The following PRRX2 variants were observed in gnomAD, a reference collection of about 807,000 sequenced individuals.
The protein encoded by PRRX2 is paired related homeobox 2.
In PRRX2, 11 loss-of-function variants were observed where a neutral mutation model predicts 18.0. That is an observed-to-expected ratio of 0.61 (90% CI 0.39 to 1.01). The LOEUF is 1.01. Among genes scored for constraint, PRRX2 ranks in the 50% least tolerant of loss-of-function variants. PRRX2 has a pLI of 0.01. For synonymous variants in PRRX2, 177 were observed against 154.8 expected (o/e 1.14, Z -1.06); for missense variants, 387 against 351.0 (o/e 1.10, Z -0.82).
intron 1 of PRRX2, among the ~76,000 whole-genome samples, chr9:129,688,407 G>A (rs1305562052): frequency 6.6e-6 from 1 of 152,118 alleles, no homozygotes; most frequent in Non-Finnish European, 1.5e-5. Context: ...ATGATATAAT[G>A]GGGGTCATTT....
At position 129,671,214 on chromosome 9, in the gene PRRX2, C is replaced by T. The variant is rs1832095824; in HGVS notation, c.259+5088C>T. Reference sequence around the variant, plus strand: ...TCATGTCTCAGCAGGAGCCGGGGAGCAGGGAGGGAGGAGGAGTGAGTGAGA... The same window carrying T: ...TCATGTCTCAGCAGGAGCCGGGGAGTAGGGAGGGAGGAGGAGTGAGTGAGA... On this transcript the variant is annotated intron_variant, in intron 1 of 3. Coordinates refer to ENST00000372469, the MANE Select transcript of PRRX2 (RefSeq NM_016307.4). The surrounding 1 kb of genome is among the most constrained non-coding windows in gnomAD (Gnocchi z 4.0). Among the ~76,000 whole-genome samples the T allele has an allele frequency of 2.0e-5, 3 of 152,284 alleles. No individual in the cohort carries two copies. Among genetic ancestry groups the T allele is most frequent in the Admixed American group, 6.5e-5 (1 of 15,296 alleles).
chr9:129,697,000 T>C (rs990582104), intron 1 of PRRX2, among the ~76,000 whole-genome samples: 1 of 152,164 alleles, frequency 6.6e-6, no homozygotes, highest in African/African-American at 2.4e-5. Flanking sequence ...CTCCCTAGTC[T>C]CGGTTATCCC....
At chr9:129,678,216 G>C (rs915251463) in intron 1 of PRRX2, among the ~76,000 whole-genome samples, 1 of 152,024 alleles carries the variant, frequency 6.6e-6, no homozygotes, top group Non-Finnish European at 1.5e-5. Context: ...CGCCTGCCTC[G>C]ACCTCCCAAA....
Position 129,671,010 on chromosome 9 carries a change from C to T in PRRX2, c.259+4884C>T, listed in dbSNP as rs531023802. Among the ~76,000 whole-genome samples the T allele has an allele frequency of 4.1e-4, 62 of 152,280 alleles. 1 individual carries two copies. The South Asian group carries it at 0.013, about 32-fold the overall frequency. ...GTGTGACCTTGGGGGTGTCATGTCA[C>T]CTCTCTGTGCCTCGTTCACCACCTG... On this transcript the variant is annotated intron_variant, in intron 1 of 3. Coordinates refer to ENST00000372469, the MANE Select transcript of PRRX2 (RefSeq NM_016307.4). This position sits in a 1 kb window ranked among gnomAD's most constrained non-coding sequence, Gnocchi z 4.0.
chr9:129,696,520 G>A (rs1035082769), intron 1 of PRRX2, among the ~76,000 whole-genome samples: 1 of 152,166 alleles, frequency 6.6e-6, no homozygotes, highest in African/African-American at 2.4e-5. Flanking sequence ...GGCTGCAGCG[G>A]AGCCCAGATC....
chr9:129,703,866 G>A (rs1832529329), intron 1 of PRRX2, among the ~76,000 whole-genome samples: 1 of 152,202 alleles, frequency 6.6e-6, no homozygotes, highest in Admixed American at 6.5e-5. Flanking sequence ...TTAAAGTTGA[G>A]CCTCTCTGGG....
At chr9:129,684,394 GAC>G (rs149221750) in intron 1 of PRRX2, among the ~76,000 whole-genome samples, 7 of 147,296 alleles carry the variant, frequency 4.8e-5, no homozygotes, top group East Asian at 4.6e-4. Context: ...CTATAGAGGA[GAC>G]ACACACACAG....
chr9:129,691,854 A>AT (rs942367564), intron 1 of PRRX2, among the ~76,000 whole-genome samples: 8 of 150,470 alleles, frequency 5.3e-5, no homozygotes, highest in Admixed American at 1.3e-4. Flanking sequence ...AATTAAAAAA[A>AT]TTTTTTTTGT....
intron 1 of PRRX2, among the ~76,000 whole-genome samples, chr9:129,681,583 C>T (rs953533641): frequency 6.6e-6 from 1 of 152,156 alleles, no homozygotes; most frequent in Non-Finnish European, 1.5e-5. Flanking sequence ...GATGCGGCAG[C>T]AGGTGGGGAG....
chr9:129,720,837 C>G (rs1397549545), intron 3 of PRRX2, 63 bp downstream of exon 3: 1 of 1,437,572 alleles, frequency 7.0e-7, no homozygotes, highest in East Asian at 2.5e-5. Context: ...AGGGCTTTTC[C>G]GGCCTGGACT....
At chr9:129,719,154 C>G (rs1832752287) in intron 1 of PRRX2, 77 bp from the exon 2 acceptor site, 1 of 1,363,846 alleles carries the variant, frequency 7.3e-7, no homozygotes, top group Admixed American at 2.9e-5. Context: ...TCAGAGCAAA[C>G]TGCAGAGTTG....
Position 129,666,580 on chromosome 9 carries a change from C to T in PRRX2, c.259+454C>T, listed in dbSNP as rs796584203. 9.1e-4 allele frequency among the ~76,000 whole-genome samples: 131 copies of T among 144,674 alleles called. 1 individual carries two copies. The highest frequency in any genetic ancestry group is 3.2e-3 in the African/African-American group (124 of 38,680). The allele number at this position is 144,674 out of a possible 152,430, so 94.9% of individuals were successfully genotyped here. ...GCGAGGGTGCCTGCCCACCCCCCCCCACCCTCCAGTTTGCCCCGGGAGCAG... is the reference window on the plus strand; with the variant it reads ...GCGAGGGTGCCTGCCCACCCCCCCCTACCCTCCAGTTTGCCCCGGGAGCAG... On this transcript the variant is annotated intron_variant, in intron 1 of 3. Coordinates refer to ENST00000372469, the MANE Select transcript of PRRX2 (RefSeq NM_016307.4).
intron 3 of PRRX2, among the ~76,000 whole-genome samples, chr9:129,721,828 A>G (rs1302639364): frequency 6.6e-6 from 1 of 152,082 alleles, no homozygotes; most frequent in Non-Finnish European, 1.5e-5. Flanking sequence ...TGATCCGTCC[A>G]CTTCGGCCTC....
chr9:129,720,663 C>G lies in PRRX2; in HGVS notation c.515C>G (p.Ala172Gly), dbSNP rs140591214. 166 of 1,613,544 alleles carry G rather than the reference C, an allele frequency of 1.0e-4. No homozygotes were observed. Among genetic ancestry groups the G allele is most frequent in the African/African-American group, 1.6e-4 (12 of 75,062 alleles). The change falls in exon 3 of 4, where the codon GCC (alanine) becomes GGC (glycine). Residue 172 changes from alanine to glycine, a missense_variant. By Grantham distance (60) the Ala-to-Gly change is moderately conservative. Transcript: ENST00000372469. ...AGGGCCATGCTGGCCAGCCGCTCTG[C>G]CTCGCTGCTCAAGTCCTACAGCCAG... ...NERAMLASRS[A>G]SLLKSYSQEA...
chr9:129,668,023 G>A lies in PRRX2; in HGVS notation c.259+1897G>A, dbSNP rs117061940. 7.2e-4 allele frequency among the ~76,000 whole-genome samples: 110 copies of A among 152,320 alleles called. 2 individuals are homozygous for A. In the East Asian group the frequency reaches 8.7e-3, roughly 12 times the overall value. On this transcript the variant is annotated intron_variant, in intron 1 of 3. Transcript: ENST00000372469. ...GGGTCTGGGCCAGGCTCCAGGAGGC[G>A]CTCGTGGGCTGGTCCGTCTTGGAAG... is the stretch of plus-strand genomic sequence containing the variant.
Position 129,689,650 on chromosome 9 carries a change from A to C in PRRX2, c.259+23524A>C, listed in dbSNP as rs150079880. 3.4e-3 allele frequency among the ~76,000 whole-genome samples: 509 copies of C among 149,858 alleles called. 5 individuals carry two copies. The highest frequency in any genetic ancestry group is 0.012 in the African/African-American group (487 of 40,762). On this transcript the variant is annotated intron_variant, in intron 1 of 3. Coordinates refer to ENST00000372469, the MANE Select transcript of PRRX2 (RefSeq NM_016307.4). ...TCCTCAACCCTGGCTGCACGGTAGC[A>C]TGAGCTGGCGAGCTTTCAATGAATG...
chr9:129,699,966 C>T (rs77611240), intron 1 of PRRX2, among the ~76,000 whole-genome samples: 6 of 152,146 alleles, frequency 3.9e-5, no homozygotes, highest in Non-Finnish European at 5.9e-5. Context: ...AGTTACAAAC[C>T]GAGGTCTAGA....
Position 129,665,926 on chromosome 9 carries a change from CG to C in PRRX2, c.60del (p.Pro21ArgfsTer20). Reference sequence around the variant, plus strand: ...AAGCCGGCGCTGGGCCCGGGGCCGCCGCCGCCTCCACCCGCGCTGGGGCCCG... The same window carrying C: ...AAGCCGGCGCTGGGCCCGGGGCCGCCCCGCCTCCACCCGCGCTGGGGCCCG... ...LDKPALGPGP[P>X]PPPPALGPGD... On this transcript the variant is annotated frameshift_variant, in exon 1 of 4. Transcript: ENST00000372469. LOFTEE classifies it high-confidence loss of function. This position sits in a 1 kb window ranked among gnomAD's most constrained non-coding sequence, Gnocchi z 5.3. 9.0e-7 allele frequency: 1 copy of C among 1,115,604 alleles called. No individual in the cohort carries two copies. The highest frequency in any genetic ancestry group is 1.1e-6 in the Non-Finnish European group (1 of 914,298). 69.1% of individuals were successfully genotyped at this position (1,115,604 alleles called of 1,614,324 possible).
chr9:129,684,532 A>ACCCCCC (rs1554723052), intron 1 of PRRX2, among the ~76,000 whole-genome samples: 1 of 140,282 alleles, frequency 7.1e-6, no homozygotes, highest in Non-Finnish European at 1.5e-5. Context: ...ACCCACACAC[A>ACCCCCC]CCCCAACAGA....
Sources: gnomAD v4.1 joint callset for allele counts (sites outside exome capture counted in the v4.1 genomes callset) on GRCh38, gnomAD v4.1.1 for gene constraint, Gnocchi (gnomAD v3.1) non-coding constraint, MANE v1.5 for transcripts, NCBI Gene and HGNC (gene_info 2026-07-23, HGNC 2026-07-21) for gene names.